The following RC3H1 variants were observed in gnomAD, a reference collection of about 807,000 sequenced individuals.
RC3H1 encodes roquin-1.
In RC3H1, 50 loss-of-function variants were observed where a neutral mutation model predicts 138.2. The ratio of observed to expected loss-of-function variants is 0.36; its 90% confidence interval spans 0.29 to 0.46. The LOEUF (loss-of-function observed/expected upper bound fraction) is 0.46. Ranked by LOEUF, RC3H1 falls within the 20% of genes least tolerant of loss-of-function variation. The pLI is 1.00. For synonymous variants in RC3H1, 462 were observed against 489.1 expected (o/e 0.94, Z 0.73); for missense variants, 1,031 against 1,388.1 (o/e 0.74, Z 4.09).
chr1:173,942,833 AAAAG>A (rs1190071259), intron 18 of RC3H1, among the ~76,000 whole-genome samples: 3 of 152,176 alleles, frequency 2.0e-5, no homozygotes, highest in South Asian at 2.1e-4. Flanking sequence ...CTCAAAAAAA[AAAAG>A]AAAGATTATG....
chr1:173,978,673 T>A (rs900690919), intron 6 of RC3H1, 53 bp from the exon 7 acceptor site: 9 of 1,514,048 alleles, frequency 5.9e-6, no homozygotes, highest in Non-Finnish European at 8.0e-6. Flanking sequence ...CCTTTAAATA[T>A]AAAGATTATT....
chr1:173,940,561 G>T (rs1272486212), intron 19 of RC3H1, among the ~76,000 whole-genome samples: 3 of 151,716 alleles, frequency 2.0e-5, no homozygotes, highest in Non-Finnish European at 4.4e-5. Context: ...TTTAAAATTT[G>T]CCCTTTTCTA....
rs191915994 is a variant in RC3H1, at chr1:174,003,913, G to A, written c.-150-10778C>T. On this transcript the variant is annotated intron_variant, in intron 1 of 19. Coordinates refer to ENST00000367696, the MANE Select transcript of RC3H1 (RefSeq NM_172071.4). The stretch of plus-strand genomic sequence containing the variant: ...CCTGACCTTGTGATCCGCCCACCTC[G>A]GCCTCCCAAAGTGCTGAGATTACAG... Among the ~76,000 whole-genome samples, 147 of 151,560 alleles carry A rather than the reference G, an allele frequency of 9.7e-4. 2 individuals carry two copies. The East Asian group carries it at 0.022, about 22-fold the overall frequency.
At chr1:173,966,577 T>C (rs1660127727) in intron 9 of RC3H1, among the ~76,000 whole-genome samples, 1 of 152,052 alleles carries the variant, frequency 6.6e-6, no homozygotes, top group African/African-American at 2.4e-5. Flanking sequence ...TAGCTGGGTG[T>C]GGTGGCAGGC....
chr1:173,939,297 G>A (rs1238878215), intron 19 of RC3H1, among the ~76,000 whole-genome samples: 4 of 151,808 alleles, frequency 2.6e-5, no homozygotes, highest in Non-Finnish European at 4.4e-5. Context: ...CAGCACTTTC[G>A]GAGGCCAAGG....
chr1:173,957,183 CATT>C (rs1659685217), intron 13 of RC3H1, among the ~76,000 whole-genome samples: 3 of 152,210 alleles, frequency 2.0e-5, no homozygotes, highest in East Asian at 1.9e-4. Flanking sequence ...AATACTCAGA[CATT>C]ATTATAATTT....
chr1:173,990,690 G>A (rs914363706), intron 2 of RC3H1, among the ~76,000 whole-genome samples: 5 of 150,620 alleles, frequency 3.3e-5, no homozygotes, highest in Non-Finnish European at 5.9e-5. Flanking sequence ...CTCCTGCCTC[G>A]GCCTCCCAAG....
intron 5 of RC3H1, 116 bp downstream of exon 5, chr1:173,982,611 T>C (rs1446605274): frequency 1.2e-6 from 1 of 839,332 alleles, no homozygotes; most frequent in African/African-American, 1.7e-5. Flanking sequence ...TAAAGAAAAA[T>C]TGCTGAGATT....
chr1:173,981,379 T>A (rs985044092), intron 5 of RC3H1, among the ~76,000 whole-genome samples: 1 of 152,216 alleles, frequency 6.6e-6, no homozygotes, highest in East Asian at 1.9e-4. Context: ...AATGCCCCAA[T>A]GAGCATGTGA....
At position 173,938,057 on chromosome 1, in the gene RC3H1, C is replaced by T. The variant is rs776144541; in HGVS notation, c.*664G>A. The T allele has an allele frequency of 6.6e-5, 10 of 152,060 alleles. No homozygotes were observed. The highest frequency in any genetic ancestry group is 1.5e-4 in the Non-Finnish European group (10 of 67,990). 9.4% of individuals were successfully genotyped at this position (152,060 alleles called of 1,614,324 possible). A position where few individuals can be genotyped will look rare whatever the true frequency, so the allele number is the denominator to read the frequency against. ...TTGAAAATAAAAACAAGAAATAAAA[C>T]CCTCCCAAACAAACAAAAAGCTTCA... On this transcript the variant is annotated 3_prime_UTR_variant, in exon 20 of 20. Transcript: ENST00000367696.
Position 173,985,192 on chromosome 1 carries a change from T to C in RC3H1, c.232-573A>G, listed in dbSNP as rs576755148. 2.0e-5 allele frequency among the ~76,000 whole-genome samples: 3 copies of C among 152,358 alleles called. No individual in the cohort carries two copies. The East Asian group carries it at 5.8e-4, about 29-fold the overall frequency. Reference sequence around the variant, plus strand: ...TCCATTGTATAAATATATCACACTTTATTTACACAATCATCATTGACAGAC... The same window carrying C: ...TCCATTGTATAAATATATCACACTTCATTTACACAATCATCATTGACAGAC... On this transcript the variant is annotated intron_variant, in intron 2 of 19. Transcript: ENST00000367696.
chr1:173,989,137 A>C (rs1207262406), intron 2 of RC3H1, among the ~76,000 whole-genome samples: 2 of 152,220 alleles, frequency 1.3e-5, no homozygotes, highest in African/African-American at 4.8e-5. Context: ...GGCTCAGATG[A>C]TGCTGCCACC....
chr1:173,957,841 G>A (rs1490576481), intron 13 of RC3H1, among the ~76,000 whole-genome samples: 1 of 152,136 alleles, frequency 6.6e-6, no homozygotes, highest in East Asian at 1.9e-4. Context: ...GATTACAGGT[G>A]TGAGCTAATG....
At chr1:173,945,568 A>T (rs79988809) in intron 17 of RC3H1, among the ~76,000 whole-genome samples, 4,992 of 152,334 alleles carry the variant, frequency 0.033, 100 homozygotes, top group Middle Eastern at 0.096. Flanking sequence ...GGAGGACAAT[A>T]CCACCTGCCT....
At chr1:174,018,878 T>C (rs1329247491) in intron 1 of RC3H1, among the ~76,000 whole-genome samples, 1 of 152,170 alleles carries the variant, frequency 6.6e-6, no homozygotes, top group African/African-American at 2.4e-5. Flanking sequence ...TCAAGATATA[T>C]GCAAGAGTGG....
intron 13 of RC3H1, among the ~76,000 whole-genome samples, chr1:173,954,413 C>G (rs1659547341): frequency 6.6e-6 from 1 of 151,344 alleles, no homozygotes; most frequent in Non-Finnish European, 1.5e-5. Context: ...TTATGAGAGA[C>G]TAGAAAGGGA....
At chr1:174,000,281 T>A (rs1571238461) in intron 1 of RC3H1, among the ~76,000 whole-genome samples, 1 of 152,348 alleles carries the variant, frequency 6.6e-6, no homozygotes, top group East Asian at 1.9e-4. Flanking sequence ...TAAATTACAT[T>A]GCTGTGAAGA....
intron 1 of RC3H1, among the ~76,000 whole-genome samples, chr1:174,009,797 C>T (rs1481761354): frequency 6.6e-6 from 1 of 152,178 alleles, no homozygotes; most frequent in Non-Finnish European, 1.5e-5. Context: ...GAGATCGTGC[C>T]ACTGCACTAT....
chr1:173,973,184 C>A (rs1660437594), intron 7 of RC3H1, among the ~76,000 whole-genome samples: 1 of 152,160 alleles, frequency 6.6e-6, no homozygotes, highest in South Asian at 2.1e-4. Flanking sequence ...TACAGTTAGT[C>A]AATTTGCATG....
Sources: gnomAD v4.1 joint callset for allele counts (sites outside exome capture counted in the v4.1 genomes callset) on GRCh38, gnomAD v4.1.1 for gene constraint, MANE v1.5 for transcripts, NCBI Gene and HGNC (gene_info 2026-07-23, HGNC 2026-07-21) for gene names.